CDH8: variants seen among roughly 807,000 people sequenced by gnomAD.
CDH8 encodes cadherin 8.
A neutral mutation model predicts 68.1 loss-of-function variants in CDH8; 17 were observed. The observed-to-expected ratio is 0.25, with a 90% CI of 0.17 to 0.37. The LOEUF is 0.37. Ranked by LOEUF, CDH8 falls within the 10% of genes least tolerant of loss-of-function variation. CDH8 has a pLI of 1.00. For synonymous variants in CDH8, 372 were observed against 365.1 expected (o/e 1.02, Z -0.21); for missense variants, 763 against 999.3 (o/e 0.76, Z 3.19).
At chr16:61,919,161 C>G (rs1403276157) in intron 2 of CDH8, among the ~76,000 whole-genome samples, 4 of 145,356 alleles carry the variant, frequency 2.8e-5, no homozygotes, top group Non-Finnish European at 6.0e-5. Flanking sequence ...GAAAACCCAT[C>G]TGTACATCAC....
chr16:61,987,061 A>G (rs982736988), intron 2 of CDH8, among the ~76,000 whole-genome samples: 4 of 152,228 alleles, frequency 2.6e-5, no homozygotes, highest in Admixed American at 2.6e-4. Flanking sequence ...AATATGCTAC[A>G]CAGGAGGAAG....
At chr16:61,893,154 C>T (rs138397838) in intron 3 of CDH8, among the ~76,000 whole-genome samples, 2 of 152,232 alleles carry the variant, frequency 1.3e-5, no homozygotes, top group East Asian at 1.9e-4. Context: ...TTCTTCTTGG[C>T]TGTGGCAGCA....
At chr16:61,928,230 T>G (rs957380822) in intron 2 of CDH8, among the ~76,000 whole-genome samples, 5 of 152,314 alleles carry the variant, frequency 3.3e-5, no homozygotes, top group African/African-American at 1.2e-4. Context: ...ATTTTATCTT[T>G]TAGGTACTTT....
At chr16:61,695,001 C>T (rs1964299135) in intron 10 of CDH8, among the ~76,000 whole-genome samples, 1 of 151,986 alleles carries the variant, frequency 6.6e-6, no homozygotes, top group Non-Finnish European at 1.5e-5. Context: ...AGGCTGGTCT[C>T]GAACTCCTGA....
chr16:61,872,608 C>A (rs2143061704), intron 3 of CDH8, among the ~76,000 whole-genome samples: 1 of 152,214 alleles, frequency 6.6e-6, no homozygotes, highest in South Asian at 2.1e-4. Flanking sequence ...GTGAATGCTT[C>A]TCATAAGACT....
intron 2 of CDH8, among the ~76,000 whole-genome samples, chr16:61,916,715 G>C (rs1964244355): frequency 6.6e-6 from 1 of 152,094 alleles, no homozygotes; most frequent in East Asian, 1.9e-4. Flanking sequence ...GGGAATAAAA[G>C]TGGCAAAAAG....
At chr16:61,768,407 T>C in intron 8 of CDH8, among the ~76,000 whole-genome samples, 1 of 137,972 alleles carries the variant, frequency 7.2e-6, no homozygotes, top group Non-Finnish European at 1.6e-5. Flanking sequence ...TTTCTCTCTC[T>C]CTCTCTCTCT....
At chr16:61,904,043 A>G (rs1964025105) in intron 2 of CDH8, among the ~76,000 whole-genome samples, 1 of 152,172 alleles carries the variant, frequency 6.6e-6, no homozygotes, top group African/African-American at 2.4e-5. Context: ...CCTGGGGCCA[A>G]TGATAATCTC....
chr16:61,758,324 C>CT (rs1388847525), intron 8 of CDH8, among the ~76,000 whole-genome samples: 2 of 152,112 alleles, frequency 1.3e-5, no homozygotes, highest in African/African-American at 4.8e-5. Flanking sequence ...TACTATATAG[C>CT]TTTTTCTCAA....
At chr16:61,668,856 G>C (rs554846893) in intron 10 of CDH8, among the ~76,000 whole-genome samples, 2 of 152,082 alleles carry the variant, frequency 1.3e-5, no homozygotes, top group South Asian at 2.1e-4. Flanking sequence ...GAAAAAGACA[G>C]ATTAATTCAT....
At chr16:61,822,913 G>C (rs1962248588) in intron 5 of CDH8, among the ~76,000 whole-genome samples, 1 of 151,844 alleles carries the variant, frequency 6.6e-6, no homozygotes. Context: ...ATCTCTATCA[G>C]TGTGATCACA....
intron 2 of CDH8, among the ~76,000 whole-genome samples, chr16:61,982,337 A>G (rs1170309601): frequency 2.0e-5 from 3 of 152,020 alleles, no homozygotes; most frequent in African/African-American, 7.2e-5. Flanking sequence ...CTCCTGCCTC[A>G]GTCTCGCGAG....
intron 1 of CDH8, among the ~76,000 whole-genome samples, chr16:62,033,688 C>T (rs745962936): frequency 1.3e-5 from 2 of 152,092 alleles, no homozygotes; most frequent in African/African-American, 2.4e-5. Flanking sequence ...AAACATTTGG[C>T]CTATTTGCGA....
intron 7 of CDH8, among the ~76,000 whole-genome samples, chr16:61,791,598 C>T (rs939086758): frequency 6.6e-6 from 1 of 152,106 alleles, no homozygotes; most frequent in South Asian, 2.1e-4. Context: ...CATGCGTCAA[C>T]CAATTTCCCA....
At chr16:61,810,758 T>G (rs1212416140) in intron 7 of CDH8, among the ~76,000 whole-genome samples, 1 of 152,130 alleles carries the variant, frequency 6.6e-6, no homozygotes, top group Non-Finnish European at 1.5e-5. Context: ...GAGCAGTAGC[T>G]CACGCCTGTA....
intron 2 of CDH8, among the ~76,000 whole-genome samples, chr16:61,982,335 TCA>T (rs2150583417): frequency 6.6e-6 from 1 of 152,240 alleles, no homozygotes; most frequent in East Asian, 1.9e-4. Flanking sequence ...TTCTCCTGCC[TCA>T]GTCTCGCGAG....
intron 2 of CDH8, among the ~76,000 whole-genome samples, chr16:61,915,737 CA>C (rs1355802422): frequency 2.0e-5 from 3 of 152,260 alleles, no homozygotes; most frequent in Admixed American, 1.3e-4. Context: ...CAGTAATACC[CA>C]ATTAACAGCA....
chr16:61,914,742 TAAA>T (rs536225911), intron 2 of CDH8, among the ~76,000 whole-genome samples: 2 of 129,362 alleles, frequency 1.5e-5, no homozygotes, highest in Non-Finnish European at 1.7e-5. Context: ...TAAAAAGAGT[TAAA>T]AAAAAAAAAA....
Position 61,838,109 on chromosome 16 carries a change from T to G in CDH8, c.668-12930A>C, listed in dbSNP as rs1361420999. On this transcript the variant is annotated intron_variant, in intron 4 of 11. Transcript: ENST00000577390. ...GTGTTTTTCCAAAGATTAAGTGGCT[T>G]GTGCTTTTTATTCTTTATATTAAAA... Among the ~76,000 whole-genome samples the G allele has an allele frequency of 2.0e-5, 3 of 152,182 alleles. No individual in the cohort carries two copies. In the East Asian group the frequency reaches 5.8e-4, roughly 29 times the overall value.
Sources: allele counts gnomAD v4.1 joint callset (sites outside exome capture counted in the v4.1 genomes callset), GRCh38; gene constraint gnomAD v4.1.1; transcripts MANE v1.5; gene names NCBI Gene and HGNC (gene_info 2026-07-23, HGNC 2026-07-21).